The following NACA variants were observed in gnomAD, a reference collection of about 807,000 sequenced individuals.
NACA encodes nascent polypeptide-associated complex subunit alpha.
In NACA, 42 loss-of-function variants were observed where a neutral mutation model predicts 86.4. The ratio of observed to expected loss-of-function variants is 0.49; its 90% CI spans 0.38 to 0.63. The LOEUF is 0.63. Among genes scored for constraint, NACA ranks in the 20% least tolerant of loss-of-function variants. The pLI, the probability that NACA is intolerant of heterozygous loss-of-function variation, is 0.00. For missense variants in NACA, 2,157 were observed against 2,483.6 expected (o/e 0.87, Z 2.80); for synonymous variants, 898 against 973.7 (o/e 0.92, Z 1.45).
At chr12:56,724,258 A>C (rs1323174743) in intron 2 of NACA, among the ~76,000 whole-genome samples, 194 bp downstream of exon 2, 3 of 152,194 alleles carry the variant, frequency 2.0e-5, no homozygotes, top group Non-Finnish European at 2.9e-5. Flanking sequence ...TTTAACGTCC[A>C]CGAATCTTAA....
At chr12:56,715,354 A>G (rs1415050677) in intron 3 of NACA, among the ~76,000 whole-genome samples, 1 of 152,236 alleles carries the variant, frequency 6.6e-6, no homozygotes, top group Non-Finnish European at 1.5e-5. Flanking sequence ...GAAAAAAAGC[A>G]TACACCTGCA....
In NACA at chr12:56,720,393, T is replaced by A; in HGVS notation, c.1137A>T (p.Pro379=). Residue 379 remains proline (P), a synonymous_variant, in exon 3 of 9, where the codon CCA becomes CCT. Coordinates refer to ENST00000454682, the MANE Select transcript of NACA (RefSeq NM_001365896.1). ...ATVAAFPVVA[P]SVDKGPSTIS... is the part of the protein sequence containing the mutation. ...TGGTAGAGGGACCTTTGTCAACAGA[T>A]GGAGCCACCACTGGAAAGGCAGCCA... 6.2e-7 allele frequency: 1 copy of A among 1,613,832 alleles called. No individual in the cohort carries two copies. Among genetic ancestry groups the A allele is most frequent in the Non-Finnish European group, 8.5e-7 (1 of 1,179,848 alleles).
In NACA at chr12:56,720,833, TCTGAGGAAGG is replaced by T; in HGVS notation, c.687_696del (p.Leu230GlnfsTer7). 3 of 1,613,884 alleles carry T rather than the reference TCTGAGGAAGG, an allele frequency of 1.9e-6. No individual in the cohort carries two copies. The highest frequency in any genetic ancestry group is 1.7e-6 in the Non-Finnish European group (2 of 1,179,868). On this transcript the variant is annotated frameshift_variant, in exon 3 of 9. Coordinates refer to ENST00000454682, the MANE Select transcript of NACA (RefSeq NM_001365896.1). LOFTEE classifies it high-confidence loss of function. ...ATGGCTAGGGTAGTTGTGGGTGTTG[TCTGAGGAAGG>T]GAGGCCACTCCAGATTGAATAGAGG... is the stretch of plus-strand genomic sequence containing the variant.
chr12:56,713,217 G>GT (rs1460529391), intron 6 of NACA, 27 bp from the exon 7 acceptor site: 8 of 1,611,282 alleles, frequency 5.0e-6, no homozygotes, highest in Non-Finnish European at 6.8e-6. Flanking sequence ...ACAGATCCAT[G>GT]TGAGTAGATT....
Position 56,719,992 on chromosome 12 carries a change from T to G in NACA, c.1538A>C (p.Glu513Ala). Reference protein sequence around the residue: ...IPVSPPLPDPEDLKNLPSSVL... With the variant: ...IPVSPPLPDPADLKNLPSSVL... ...TGAACTGGGGAGATTTTTGAGGTCT[T>G]CAGGGTCTGGCAGAGGAGGAGAGAC... Residue 513 changes from glutamate (E) to alanine (A), a missense_variant, in exon 3 of 9, where the codon GAA becomes GCA. Glu to Ala is a moderately radical substitution (Grantham distance 107, BLOSUM62 -1). Around this residue, in one of 8 missense-constraint regions of NACA, gnomAD observed 947 missense variants for 917.9 expected, o/e 1.03. Transcript: ENST00000454682. 1 of 1,613,894 alleles carries G rather than the reference T, an allele frequency of 6.2e-7. No individual in the cohort carries two copies. The highest frequency in any genetic ancestry group is 8.5e-7 in the Non-Finnish European group (1 of 1,179,860).
intron 5 of NACA, 199 bp from the exon 6 acceptor site, chr12:56,713,882 C>T (rs1953280447): frequency 3.5e-6 from 2 of 573,376 alleles, no homozygotes; most frequent in Admixed American, 6.5e-5. Flanking sequence ...TGCTCTGTCG[C>T]CCAGGCTGGA....
chr12:56,724,507 G>A lies in NACA; in HGVS notation c.15C>T (p.Ala5=). Residue 5 remains alanine (A), a synonymous_variant, in exon 2 of 9, where the codon GCC becomes GCT. Transcript: ENST00000454682. ...GCTCTGTAGCAGGGACGGTTTCTGT[G>A]GCTTCGCCGGGCATTTCTGAAGGAA... is the stretch of plus-strand genomic sequence containing the variant. MPGE[A]TETVPATEQE... The A allele has an allele frequency of 6.2e-7, 1 of 1,612,338 alleles. No homozygotes were observed. The highest frequency in any genetic ancestry group is 8.5e-7 in the Non-Finnish European group (1 of 1,179,284).
chr12:56,722,809 G>T (rs568438540), intron 2 of NACA, among the ~76,000 whole-genome samples: 1 of 141,908 alleles, frequency 7.0e-6, no homozygotes, highest in Non-Finnish European at 1.5e-5. Context: ...TGGCATGACA[G>T]TAAGACAGTA....
At position 56,716,357 on chromosome 12, in the gene NACA, C is replaced by T. The variant is rs201446430; in HGVS notation, c.5173G>A (p.Gly1725Ser). 5.0e-6 allele frequency: 8 copies of T among 1,611,948 alleles called. No individual in the cohort carries two copies. The highest frequency in any genetic ancestry group is 4.0e-5 in the African/African-American group (3 of 74,998). ...ACTGTGGAAAGGGGTCCTTTAGAAC[C>T]ATTCTTAGCTGAGGGATCTGGGCAT... ...PICPDPSAKNGSKGPLSTVAP... is the reference protein window; with the variant it reads ...PICPDPSAKNSSKGPLSTVAP... The change falls in exon 3 of 9, where the codon GGT (glycine) becomes AGT (serine). Residue 1725 changes from glycine (G) to serine (S), a missense_variant. Gly to Ser is a moderately conservative substitution (Grantham distance 56). Around this residue, in one of 8 missense-constraint regions of NACA, gnomAD observed 797 missense variants for 777.6 expected, o/e 1.02. Coordinates refer to ENST00000454682, the MANE Select transcript of NACA (RefSeq NM_001365896.1).
chr12:56,716,830 G>C lies in NACA; in HGVS notation c.4700C>G (p.Pro1567Arg), dbSNP rs564142402. Reference protein sequence around the residue: ...SPKKTPAIPTPKEAPATPSSK... With the variant: ...SPKKTPAIPTRKEAPATPSSK... ...GGATGGGGTAGCTGGGGCTTCTTTG[G>C]GGGTTGGAATTGCTGGGGTCTTTTT... is the stretch of plus-strand genomic sequence containing the variant. Residue 1567 changes from proline (P) to arginine (R), a missense_variant, in exon 3 of 9, where the codon CCC becomes CGC. This residue lies in a region of NACA where 797 missense variants were observed against 777.6 expected (regional missense o/e 1.02). Coordinates refer to ENST00000454682, the MANE Select transcript of NACA (RefSeq NM_001365896.1). 12 of 1,333,148 alleles carry C rather than the reference G, an allele frequency of 9.0e-6. No individual in the cohort carries two copies. The highest frequency in any genetic ancestry group is 1.2e-5 in the Non-Finnish European group (12 of 1,019,964). 82.6% of individuals were successfully genotyped at this position (1,333,148 alleles called of 1,614,324 possible). A position where few individuals can be genotyped will look rare whatever the true frequency, so the allele number is the denominator to read the frequency against.
chr12:56,714,797 T>C, intron 3 of NACA, 110 bp from the exon 4 acceptor site: 1 of 989,262 alleles, frequency 1.0e-6, no homozygotes, highest in Admixed American at 2.1e-5. Context: ...GACCTAAGAA[T>C]GTTAAATGTA....
Position 56,718,672 on chromosome 12 carries a change from C to T in NACA, c.2858G>A (p.Gly953Asp). ...PAATPPSPKG[G>D]PATPSPKWAP... is the part of the protein sequence containing the mutation. ...CCATTTCGGGGATGGGGTAGCTGGG[C>T]CTCCTTTAGGGGAGGGAGGAGTTGC... is the stretch of plus-strand genomic sequence containing the variant. Residue 953 changes from glycine (G) to aspartate (D), a missense_variant, in exon 3 of 9, where the codon GGC (glycine) becomes GAC (aspartate). Coordinates refer to ENST00000454682, the MANE Select transcript of NACA (RefSeq NM_001365896.1). 3.0e-6 allele frequency: 4 copies of T among 1,354,844 alleles called. No homozygotes were observed. The highest frequency in any genetic ancestry group is 3.9e-6 in the Non-Finnish European group (4 of 1,030,732). The allele number at this position is 1,354,844 out of a possible 1,614,324, so 83.9% of individuals were successfully genotyped here. A position where few individuals can be genotyped will look rare whatever the true frequency, so the allele number is the denominator to read the frequency against.
At chr12:56,722,003 G>GAA (rs1953587947) in intron 2 of NACA, among the ~76,000 whole-genome samples, 1 of 152,206 alleles carries the variant, frequency 6.6e-6, no homozygotes, top group African/African-American at 2.4e-5. Flanking sequence ...AACTGAATAA[G>GAA]AAAACACAGG....
intron 2 of NACA, 93 bp downstream of exon 2, chr12:56,724,359 C>T (rs968875189): frequency 4.7e-6 from 6 of 1,270,800 alleles, no homozygotes; most frequent in Non-Finnish European, 6.5e-6. Flanking sequence ...CAACCCCATC[C>T]TCCTAAAAAG....
In NACA at chr12:56,720,080, C is replaced by T; in HGVS notation, c.1450G>A (p.Val484Ile). Residue 484 changes from valine to isoleucine, a missense_variant, in exon 3 of 9, where the codon GTT (valine) becomes ATT (isoleucine). Transcript: ENST00000454682. ...NIEPTSPAAL[V>I]MAPVAPKEPS... is the part of the protein sequence containing the mutation. ...TCTTTGGGAGCCACAGGTGCCATAACCAAGGCAGCAGGGGAAGTTGGTTCT... is the reference window on the plus strand; with the variant it reads ...TCTTTGGGAGCCACAGGTGCCATAATCAAGGCAGCAGGGGAAGTTGGTTCT... 1.9e-6 allele frequency: 3 copies of T among 1,613,838 alleles called. No homozygotes were observed. The highest frequency in any genetic ancestry group is 2.5e-6 in the Non-Finnish European group (3 of 1,179,864).
In NACA at chr12:56,718,810, T is replaced by TTTA. The variant is rs1390465545; in HGVS notation, c.2719_2720insTAA (p.Gln907delinsLeuLys). 1 of 1,441,824 alleles carries TTTA rather than the reference T, an allele frequency of 6.9e-7. No individual in the cohort carries two copies. Among genetic ancestry groups the TTTA allele is most frequent in the Non-Finnish European group, 9.4e-7 (1 of 1,069,304 alleles). 89.3% of individuals were successfully genotyped at this position (1,441,824 alleles called of 1,614,324 possible). A position where few individuals can be genotyped will look rare whatever the true frequency, so the allele number is the denominator to read the frequency against. ...AGAAGTCATGGATAGAGCAGGAGCCTGTTTGGGTGCTGGAGTAGCTGGACC... is the reference window on the plus strand; with the variant it reads ...AGAAGTCATGGATAGAGCAGGAGCCTTTAGTTTGGGTGCTGGAGTAGCTGGACC... On this transcript the variant is annotated protein_altering_variant, in exon 3 of 9. Coordinates refer to ENST00000454682, the MANE Select transcript of NACA (RefSeq NM_001365896.1).
In NACA at chr12:56,720,419, C is replaced by T. The variant is rs201900348; in HGVS notation, c.1111G>A (p.Val371Met). 545 of 1,613,802 alleles carry T rather than the reference C, an allele frequency of 3.4e-4. 1 individual carries two copies. Among genetic ancestry groups the T allele is most frequent in the Middle Eastern group, 6.6e-4 (4 of 6,062 alleles). The part of the protein sequence containing the change: ...PSRNEVVPAT[V>M]AAFPVVAPSV... Reference sequence around the variant, plus strand: ...GGAGCCACCACTGGAAAGGCAGCCACAGTAGCAGGAACTACCTCATTTCTG... The same window carrying T: ...GGAGCCACCACTGGAAAGGCAGCCATAGTAGCAGGAACTACCTCATTTCTG... The change falls in exon 3 of 9, where the codon GTG (valine) becomes ATG (methionine). Residue 371 changes from valine to methionine, a missense_variant. This residue lies in a region of NACA where 947 missense variants were observed against 917.9 expected (regional missense o/e 1.03). Transcript: ENST00000454682.
intron 2 of NACA, among the ~76,000 whole-genome samples, chr12:56,723,880 T>A (rs1953640330): frequency 6.6e-6 from 1 of 152,220 alleles, no homozygotes; most frequent in African/African-American, 2.4e-5. Context: ...ATTTCAATCC[T>A]GGGTTTCACA....
rs183910000 is a variant in NACA, at chr12:56,720,638, G to A, written c.892C>T (p.Pro298Ser). The A allele has an allele frequency of 2.1e-4, 335 of 1,613,954 alleles. 2 individuals are homozygous for A. In the African/African-American group the frequency reaches 4.0e-3, roughly 19 times the overall value. Residue 298 changes from proline (P) to serine (S), a missense_variant, in exon 3 of 9, where the codon CCC (proline) becomes TCC (serine). By Grantham distance (74) the Pro-to-Ser change is moderately conservative (BLOSUM62 -1). Around this residue, in one of 8 missense-constraint regions of NACA, gnomAD observed 947 missense variants for 917.9 expected, o/e 1.03. Transcript: ENST00000454682. The part of the protein sequence containing the change: ...SSQKTAGPNT[P>S]PDFPISLGSH... The stretch of plus-strand genomic sequence containing the variant: ...CCCAGAGAAATGGGAAAATCTGGGG[G>A]GGTGTTGGGACCCGCAGTCTTTTGA...
Sources: allele counts gnomAD v4.1 joint callset (sites outside exome capture counted in the v4.1 genomes callset), GRCh38; gene constraint gnomAD v4.1.1; regional missense constraint gnomAD v4.1.1; transcripts MANE v1.5; gene names NCBI Gene and HGNC (gene_info 2026-07-23, HGNC 2026-07-21).